EPHA4: variants seen among roughly 807,000 people sequenced by gnomAD.
EPHA4 encodes EPH receptor A4.
In EPHA4, 19 loss-of-function variants were observed where a neutral mutation model predicts 108.3. The observed-to-expected ratio is 0.18, with a 90% CI of 0.12 to 0.26. EPHA4 has a LOEUF of 0.26. EPHA4 is among the 10% of genes least tolerant of loss of function. The pLI, the probability that EPHA4 is intolerant of heterozygous loss-of-function variation, is 1.00. For missense variants in EPHA4, 917 were observed against 1,254.0 expected, an observed-to-expected ratio of 0.73 and a Z score of 4.06; for synonymous variants, 449 against 455.5, an observed-to-expected ratio of 0.99 and a Z score of 0.18.
intron 3 of EPHA4, among the ~76,000 whole-genome samples, chr2:221,542,209 T>G (rs1459550084): frequency 6.6e-6 from 1 of 152,180 alleles, no homozygotes; most frequent in Admixed American, 6.5e-5. Flanking sequence ...TGCAAACAAT[T>G]GGAAAAATAA....
intron 4 of EPHA4, among the ~76,000 whole-genome samples, chr2:221,493,995 G>T (rs959316896): frequency 4.6e-5 from 7 of 152,140 alleles, no homozygotes; most frequent in Non-Finnish European, 8.8e-5. Context: ...CACATTCGAG[G>T]CTGTTTACTT....
rs1689632000 is a variant in EPHA4 at position 221,418,038 on chromosome 2, T to G, written c.*3334A>C. 1 of 152,662 alleles carries G rather than the reference T, an allele frequency of 6.6e-6. No homozygotes were observed. The highest frequency in any genetic ancestry group is 1.5e-5 in the Non-Finnish European group (1 of 68,038). The allele number at this position is 152,662 out of a possible 1,614,324, so 9.5% of individuals were successfully genotyped here. A position where few individuals can be genotyped will look rare whatever the true frequency, so the allele number is the denominator to read the frequency against. ...AAGAGACAACCAGATTGCAGGGTTGTATACGGCAACTACTTTATTATTTTC... is the reference window on the plus strand; with the variant it reads ...AAGAGACAACCAGATTGCAGGGTTGGATACGGCAACTACTTTATTATTTTC... On this transcript the variant is annotated 3_prime_UTR_variant, in exon 18 of 18. Coordinates refer to ENST00000281821, the MANE Select transcript of EPHA4 (RefSeq NM_004438.5).
At chr2:221,475,932 C>A (rs192238084) in intron 5 of EPHA4, among the ~76,000 whole-genome samples, 1 of 152,186 alleles carries the variant, frequency 6.6e-6, no homozygotes. Flanking sequence ...AAAATATCAT[C>A]ATTTGGCCAG....
chr2:221,472,246 A>G (rs1311882128), intron 5 of EPHA4, among the ~76,000 whole-genome samples: 2 of 151,646 alleles, frequency 1.3e-5, no homozygotes, highest in Non-Finnish European at 2.9e-5. Context: ...AACATGAACG[A>G]AACTGTGCTC....
At chr2:221,526,435 G>A (rs1693324868) in intron 3 of EPHA4, among the ~76,000 whole-genome samples, 1 of 152,020 alleles carries the variant, frequency 6.6e-6, no homozygotes, top group South Asian at 2.1e-4. Flanking sequence ...GTGCCTCGAA[G>A]GTTGCAGGCA....
chr2:221,548,439 T>C (rs957514567), intron 3 of EPHA4, among the ~76,000 whole-genome samples: 10 of 152,032 alleles, frequency 6.6e-5, no homozygotes, highest in African/African-American at 2.4e-4. Flanking sequence ...CCTGTTCGCC[T>C]TTGCCTTGGG....
intron 10 of EPHA4, 32 bp downstream of exon 10, chr2:221,443,461 A>G (rs1410523696): frequency 1.3e-6 from 2 of 1,488,106 alleles, no homozygotes; most frequent in Non-Finnish European, 1.9e-6. Flanking sequence ...AAGAAAACAG[A>G]CTCATTAGCA....
chr2:221,532,566 T>G (rs183584027), intron 3 of EPHA4: 1 of 152,272 alleles, frequency 6.6e-6, no homozygotes, highest in Non-Finnish European at 1.5e-5. Flanking sequence ...AGGGCAGATA[T>G]TAACTTTTAG....
intron 14 of EPHA4, 63 bp downstream of exon 14, chr2:221,434,079 C>G (rs1690159123): frequency 6.5e-7 from 1 of 1,544,572 alleles, no homozygotes; most frequent in Non-Finnish European, 8.8e-7. Flanking sequence ...CTCCATCATA[C>G]AGTAATGCAG....
chr2:221,443,574 C>T lies in EPHA4; in HGVS notation c.1807G>A (p.Glu603Lys), dbSNP rs750174534. 6.2e-6 allele frequency: 10 copies of T among 1,613,738 alleles called. No homozygotes were observed. Among genetic ancestry groups the T allele is most frequent in the Admixed American group, 1.7e-5 (1 of 59,986 alleles). The change falls in exon 10 of 18, where the codon GAA (glutamate) becomes AAA (lysine). Residue 603 changes from glutamate to lysine, a missense_variant. Coordinates refer to ENST00000281821, the MANE Select transcript of EPHA4 (RefSeq NM_004438.5). ...TCTCGCACTGCTTGGTTGGGATCTTCGTACGTAAAGGGGTCCACATATGTT... is the reference window on the plus strand; with the variant it reads ...TCTCGCACTGCTTGGTTGGGATCTTTGTACGTAAAGGGGTCCACATATGTT... ...VRTYVDPFTY[E>K]DPNQAVREFA... is the part of the protein sequence containing the mutation.
chr2:221,468,234 A>G (rs917889842), intron 5 of EPHA4, among the ~76,000 whole-genome samples: 2 of 142,246 alleles, frequency 1.4e-5, no homozygotes, highest in African/African-American at 2.6e-5. Context: ...AGATCAGAGG[A>G]AAAAAAAAAG....
intron 3 of EPHA4, among the ~76,000 whole-genome samples, chr2:221,502,259 T>C (rs1692509187): frequency 1.3e-5 from 2 of 152,190 alleles, no homozygotes; most frequent in Admixed American, 6.5e-5. Context: ...CAACCCCAGA[T>C]AAAAATTGAC....
intron 3 of EPHA4, among the ~76,000 whole-genome samples, chr2:221,562,766 CAT>C (rs1694507574): frequency 6.6e-6 from 1 of 152,172 alleles, no homozygotes; most frequent in Non-Finnish European, 1.5e-5. Flanking sequence ...TTATTTCACA[CAT>C]GACAAACAAT....
chr2:221,497,354 G>C (rs555335133), intron 4 of EPHA4, among the ~76,000 whole-genome samples: 1 of 152,152 alleles, frequency 6.6e-6, no homozygotes, highest in East Asian at 1.9e-4. Context: ...AAGGCGATCC[G>C]ATCAGCAAGT....
At chr2:221,432,704 T>C (rs553887289) in intron 14 of EPHA4, among the ~76,000 whole-genome samples, 1 of 150,846 alleles carries the variant, frequency 6.6e-6, no homozygotes, top group South Asian at 2.1e-4. Flanking sequence ...ATTACAGTGG[T>C]GTCATCTTGG....
intron 8 of EPHA4, among the ~76,000 whole-genome samples, chr2:221,451,223 A>G (rs1377178024): frequency 6.6e-6 from 1 of 152,156 alleles, no homozygotes; most frequent in Non-Finnish European, 1.5e-5. Context: ...CAATCAATCA[A>G]TCAATACGGT....
chr2:221,510,261 T>C (rs1476521247), intron 3 of EPHA4, among the ~76,000 whole-genome samples: 1 of 152,236 alleles, frequency 6.6e-6, no homozygotes, highest in Non-Finnish European at 1.5e-5. Context: ...GTCTAACTCA[T>C]AGCATCTGCA....
intron 14 of EPHA4, among the ~76,000 whole-genome samples, chr2:221,432,913 C>T (rs1690123427): frequency 6.7e-6 from 1 of 149,894 alleles, no homozygotes; most frequent in African/African-American, 2.5e-5. Flanking sequence ...CAATCTCTGC[C>T]TCTTAGGTTC....
intron 11 of EPHA4, among the ~76,000 whole-genome samples, chr2:221,439,564 T>C (rs1294813468): frequency 6.6e-6 from 1 of 151,808 alleles, no homozygotes; most frequent in Non-Finnish European, 1.5e-5. Context: ...CATAACTCAC[T>C]GCAGCCTTGA....
Sources: gnomAD v4.1 joint callset for allele counts (sites outside exome capture counted in the v4.1 genomes callset) on GRCh38, gnomAD v4.1.1 for gene constraint, MANE v1.5 for transcripts, NCBI Gene and HGNC (gene_info 2026-07-23, HGNC 2026-07-21) for gene names.